The following CCDC102A variants were observed in gnomAD, a reference collection of about 807,000 sequenced individuals.
The protein encoded by CCDC102A is coiled-coil domain-containing protein 102A.
In CCDC102A, 40 loss-of-function variants were observed where a neutral mutation model predicts 55.5. The observed-to-expected ratio is 0.72, with a 90% CI of 0.56 to 0.94. CCDC102A has a LOEUF of 0.94. Among genes scored for constraint, CCDC102A ranks in the 40% least tolerant of loss-of-function variants. CCDC102A has a pLI of 0.00. For missense variants in CCDC102A, 779 were observed against 768.6 expected (o/e 1.01, Z -0.16); for synonymous variants, 323 against 339.0 (o/e 0.95, Z 0.52).
rs758107574 is a variant in CCDC102A at position 57,528,896 on chromosome 16, C to A, written c.282G>T (p.Met94Ile). Residue 94 changes from methionine (M) to isoleucine (I), a missense_variant, in exon 2 of 9, where the codon ATG (methionine) becomes ATT (isoleucine). By Grantham distance (10) the Met-to-Ile change is conservative. Transcript: ENST00000258214. ...TGGCAGTGCAGTCCGACCACCGGCG[C>A]ATGGTCTTCTCCATCTGCGCCGCCC... ...RARAAQMEKTMRRWSDCTANW... is the reference protein window; with the variant it reads ...RARAAQMEKTIRRWSDCTANW... 7.1e-7 allele frequency: 1 copy of A among 1,403,332 alleles called. No individual in the cohort carries two copies. The highest frequency in any genetic ancestry group is 9.3e-7 in the Non-Finnish European group (1 of 1,071,400). The allele number at this position is 1,403,332 out of a possible 1,614,324, so 86.9% of individuals were successfully genotyped here.
chr16:57,518,372 C>T, intron 5 of CCDC102A, 95 bp from the exon 6 acceptor site: 2 of 1,200,792 alleles, frequency 1.7e-6, no homozygotes, highest in South Asian at 2.8e-5. Context: ...CCATTTTTGG[C>T]TCCAGGAAGC....
rs754510653 is a variant in CCDC102A at position 57,525,886 on chromosome 16, C to G, written c.812+15G>C. ...CTGGCCCTGGCCCTGCCCCCTCCCG[C>G]CTCCCACGACTCACTCTCGCTCCTT... On this transcript the variant is annotated intron_variant, in intron 3 of 8. Transcript: ENST00000258214. 15 of 1,611,314 alleles carry G rather than the reference C, an allele frequency of 9.3e-6. No homozygotes were observed. The Admixed American group carries it at 2.5e-4, about 27-fold the overall frequency.
chr16:57,518,238 G>A lies in CCDC102A; in HGVS notation c.1078C>T (p.Arg360Cys), dbSNP rs1262786774. Residue 360 changes from arginine to cysteine, a missense_variant, in exon 6 of 9, where the codon CGC becomes TGC. Coordinates refer to ENST00000258214, the MANE Select transcript of CCDC102A (RefSeq NM_033212.4). ...TTCTCTGTCTCCAGCCGCTCCCGGC[G>A]GCCCCACTCCGCAGCGTTTTCGGCC... The part of the protein sequence containing the change: ...LQAENAAEWG[R>C]RERLETEKLG... The A allele has an allele frequency of 5.0e-6, 8 of 1,611,506 alleles. No individual in the cohort carries two copies. Among genetic ancestry groups the A allele is most frequent in the African/African-American group, 2.7e-5 (2 of 74,942 alleles).
At chr16:57,519,475 C>T (rs552684702) in intron 4 of CCDC102A, among the ~76,000 whole-genome samples, 1 of 152,340 alleles carries the variant, frequency 6.6e-6, no homozygotes, top group Non-Finnish European at 1.5e-5. Flanking sequence ...TGACTAATTC[C>T]AACACTGCTC....
chr16:57,517,950 G>T, intron 6 of CCDC102A, 118 bp downstream of exon 6: 1 of 1,180,218 alleles, frequency 8.5e-7, no homozygotes, highest in Non-Finnish European at 1.2e-6. Flanking sequence ...CACACAAGGT[G>T]CTGAATACAT....
intron 1 of CCDC102A, among the ~76,000 whole-genome samples, chr16:57,530,858 G>A (rs571601738): frequency 6.6e-6 from 1 of 151,886 alleles, no homozygotes; most frequent in Admixed American, 6.6e-5. Context: ...CCTGCTTGGC[G>A]CTCTGTCACC....
In CCDC102A at chr16:57,524,211, C is replaced by T. The variant is rs140468041; in HGVS notation, c.812+1690G>A. On this transcript the variant is annotated intron_variant, in intron 3 of 8. Transcript: ENST00000258214. ...CAGGAGCAGGGTGGTCTTTGACAGC[C>T]CTTCGAGAAGAACAAGGTGGGCCAA... 4.4e-3 allele frequency among the ~76,000 whole-genome samples: 673 copies of T among 151,524 alleles called. 3 individuals are homozygous for T. Among genetic ancestry groups the T allele is most frequent in the Non-Finnish European group, 6.8e-3 (462 of 67,694 alleles).
intron 6 of CCDC102A, among the ~76,000 whole-genome samples, 184 bp downstream of exon 6, chr16:57,517,884 T>C (rs1212630553): frequency 6.6e-6 from 1 of 152,252 alleles, no homozygotes; most frequent in Non-Finnish European, 1.5e-5. Flanking sequence ...AGAGTGGAGC[T>C]TGGCACATAG....
intron 2 of CCDC102A, among the ~76,000 whole-genome samples, chr16:57,527,422 T>G (rs28696702): frequency 4.3e-4 from 24 of 56,168 alleles, no homozygotes; most frequent in South Asian, 1.7e-3. Context: ...CTGCTGCTTT[T>G]TTTTTTTTTT....
At chr16:57,515,052 G>A (rs748929189) in intron 8 of CCDC102A, among the ~76,000 whole-genome samples, 8 of 152,092 alleles carry the variant, frequency 5.3e-5, no homozygotes, top group Non-Finnish European at 1.0e-4. Context: ...ACTGCCCCAA[G>A]CCTTGGGCCT....
In CCDC102A at chr16:57,518,087, G is replaced by T. The variant is rs762305485; in HGVS notation, c.1229C>A (p.Ala410Glu). ...LDCDLRASQA[A>E]LFEKNKELAD... Reference sequence around the variant, plus strand: ...CCCCACCTTGTTCTTCTCGAAGAGCGCGGCCTGGCTGGCCCTCAGGTCGCA... The same window carrying T: ...CCCCACCTTGTTCTTCTCGAAGAGCTCGGCCTGGCTGGCCCTCAGGTCGCA... Residue 410 changes from alanine (A) to glutamate (E), a missense_variant, in exon 6 of 9, where the codon GCG becomes GAG. Transcript: ENST00000258214. 3.1e-6 allele frequency: 5 copies of T among 1,602,998 alleles called. No individual in the cohort carries two copies. The highest frequency in any genetic ancestry group is 1.7e-4 in the Middle Eastern group (1 of 5,846).
In CCDC102A at chr16:57,529,879, G is replaced by A. The variant is rs1223999548; in HGVS notation, c.-147-555C>T. On this transcript the variant is annotated intron_variant, in intron 1 of 8. Coordinates refer to ENST00000258214, the MANE Select transcript of CCDC102A (RefSeq NM_033212.4). The surrounding 1 kb of genome is among the most constrained non-coding windows in gnomAD (Gnocchi z 4.1). ...TGAGTTTGCTGTGGTCCAGGACTGG[G>A]TCCTGACCACTGTTTTAGTCCCAAC... Among the ~76,000 whole-genome samples, 1 of 152,166 alleles carries A rather than the reference G, an allele frequency of 6.6e-6. No individual in the cohort carries two copies. The highest frequency in any genetic ancestry group is 1.5e-5 in the Non-Finnish European group (1 of 68,038).
At chr16:57,536,133 G>C (rs1346523717) in intron 1 of CCDC102A, among the ~76,000 whole-genome samples, 2 of 151,750 alleles carry the variant, frequency 1.3e-5, no homozygotes, top group Non-Finnish European at 2.9e-5. Context: ...GGCCAGCGCC[G>C]CCCGTCCATC....
intron 7 of CCDC102A, among the ~76,000 whole-genome samples, chr16:57,515,743 G>T (rs1046058594): frequency 6.6e-6 from 1 of 151,346 alleles, no homozygotes; most frequent in Non-Finnish European, 1.5e-5. Context: ...CATTCGTCCA[G>T]GGAGATATTC....
At position 57,518,235 on chromosome 16, in the gene CCDC102A, G is replaced by T. The variant is rs553247142; in HGVS notation, c.1081C>A (p.Arg361=). Residue 361 remains arginine, a synonymous_variant, in exon 6 of 9, where the codon CGG becomes AGG. Transcript: ENST00000258214. ...QAENAAEWGR[R]ERLETEKLGL... Reference sequence around the variant, plus strand: ...AGTTTCTCTGTCTCCAGCCGCTCCCGGCGGCCCCACTCCGCAGCGTTTTCG... The same window carrying T: ...AGTTTCTCTGTCTCCAGCCGCTCCCTGCGGCCCCACTCCGCAGCGTTTTCG... 5.0e-6 allele frequency: 8 copies of T among 1,611,716 alleles called. No homozygotes were observed. In the East Asian group the frequency reaches 1.8e-4, roughly 36 times the overall value.
At position 57,516,594 on chromosome 16, in the gene CCDC102A, C is replaced by T; in HGVS notation, c.1249-131G>A. 4.0e-6 allele frequency: 3 copies of T among 752,218 alleles called. No individual in the cohort carries two copies. Among genetic ancestry groups the T allele is most frequent in the Admixed American group, 4.4e-5 (2 of 45,168 alleles). 46.6% of individuals were successfully genotyped at this position (752,218 alleles called of 1,614,324 possible). A position where few individuals can be genotyped will look rare whatever the true frequency, so the allele number is the denominator to read the frequency against. ...TCTCTCCTTCCCAGAATCTCTCCATCTGTTGTCTGAAGTATCAGCAGTAGA... is the reference window on the plus strand; with the variant it reads ...TCTCTCCTTCCCAGAATCTCTCCATTTGTTGTCTGAAGTATCAGCAGTAGA... On this transcript the variant is annotated intron_variant, in intron 6 of 8. Coordinates refer to ENST00000258214, the MANE Select transcript of CCDC102A (RefSeq NM_033212.4). The surrounding 1 kb of genome is among the most constrained non-coding windows in gnomAD (Gnocchi z 4.4).
In CCDC102A at chr16:57,529,186, C is replaced by T. The variant is rs2032205317; in HGVS notation, c.-9G>A. On this transcript the variant is annotated 5_prime_UTR_variant, in exon 2 of 9. Coordinates refer to ENST00000258214, the MANE Select transcript of CCDC102A (RefSeq NM_033212.4). This position sits in a 1 kb window ranked among gnomAD's most constrained non-coding sequence, Gnocchi z 4.1. ...CTGGGCCCGTGGCTCATGGTGCGGC[C>T]GGGCGGGCCCTGAGCTCGAACTCGC... 6.8e-6 allele frequency: 8 copies of T among 1,178,252 alleles called. No individual in the cohort carries two copies. Among genetic ancestry groups the T allele is most frequent in the South Asian group, 4.2e-5 (1 of 23,918 alleles). The allele number at this position is 1,178,252 out of a possible 1,614,324, so 73.0% of individuals were successfully genotyped here. A position where few individuals can be genotyped will look rare whatever the true frequency, so the allele number is the denominator to read the frequency against.
At chr16:57,532,920 C>T (rs1043344563) in intron 1 of CCDC102A, among the ~76,000 whole-genome samples, 2 of 152,226 alleles carry the variant, frequency 1.3e-5, no homozygotes, top group Non-Finnish European at 2.9e-5. Context: ...GCCCTTCTTG[C>T]AGCCGCTGAA....
intron 1 of CCDC102A, among the ~76,000 whole-genome samples, chr16:57,530,394 CT>C (rs755977117): frequency 2.0e-5 from 3 of 152,116 alleles, no homozygotes; most frequent in Non-Finnish European, 4.4e-5. Flanking sequence ...GGACATCACA[CT>C]TTTCCTTCCC....
Sources: allele counts gnomAD v4.1 joint callset (sites outside exome capture counted in the v4.1 genomes callset), GRCh38; gene constraint gnomAD v4.1.1; non-coding constraint Gnocchi (gnomAD v3.1); transcripts MANE v1.5; gene names NCBI Gene and HGNC (gene_info 2026-07-23, HGNC 2026-07-21).